The following ADARB2 variants were observed in gnomAD, a reference collection of about 807,000 sequenced individuals.
The protein encoded by ADARB2 is adenosine deaminase RNA specific B2 (inactive).
ADARB2 carries 25 observed loss-of-function variants against 62.2 expected under a neutral mutation model. The ratio of observed to expected loss-of-function variants is 0.40; its 90% CI spans 0.29 to 0.56. The LOEUF (loss-of-function observed/expected upper bound fraction) is 0.56, where lower values mean the gene tolerates loss of function less well. ADARB2 is among the 20% of genes least tolerant of loss of function. The pLI is 0.43. For synonymous variants in ADARB2, 572 were observed against 500.8 expected, an observed-to-expected ratio of 1.14 and a Z score of -1.90; for missense variants, 1,071 against 1,077.4, an observed-to-expected ratio of 0.99 and a Z score of 0.08.
At chr10:1,323,977 C>G (rs1475053399) in intron 3 of ADARB2, among the ~76,000 whole-genome samples, 3 of 152,138 alleles carry the variant, frequency 2.0e-5, no homozygotes, top group African/African-American at 7.2e-5. Flanking sequence ...CCATAAACTG[C>G]GAGGAAATAT....
At chr10:1,271,456 G>A (rs547527094) in intron 3 of ADARB2, among the ~76,000 whole-genome samples, 45 of 152,286 alleles carry the variant, frequency 3.0e-4, no homozygotes, top group African/African-American at 1.0e-3. Flanking sequence ...GAGTATTCCA[G>A]AGCCAGTGTC....
chr10:1,364,470 G>C (rs771258235), intron 2 of ADARB2, among the ~76,000 whole-genome samples: 15 of 152,240 alleles, frequency 9.9e-5, no homozygotes, highest in Admixed American at 4.6e-4. Flanking sequence ...GCCTTGGGGT[G>C]AGTCCCTGGC....
chr10:1,564,246 A>C (rs1305253251), intron 1 of ADARB2, among the ~76,000 whole-genome samples: 1 of 152,244 alleles, frequency 6.6e-6, no homozygotes, highest in Non-Finnish European at 1.5e-5. Flanking sequence ...CAGTCCCACC[A>C]ACAGTGTAAA....
Position 1,665,153 on chromosome 10 carries a change from A to T in ADARB2, c.100+71898T>A, listed in dbSNP as rs116577536. Among the ~76,000 whole-genome samples the T allele has an allele frequency of 5.9e-3, 894 of 152,336 alleles. 9 individuals are homozygous for T. The highest frequency in any genetic ancestry group is 0.02 in the African/African-American group (849 of 41,572). On this transcript the variant is annotated intron_variant, in intron 1 of 9. Transcript: ENST00000381312. Reference sequence around the variant, plus strand: ...TGGAATCATAATTAAAGGAAAAAAAAGCTTAGGTCACTGCTAACTTCCAAC... The same window carrying T: ...TGGAATCATAATTAAAGGAAAAAAATGCTTAGGTCACTGCTAACTTCCAAC...
At chr10:1,514,379 T>A (rs1004332023) in intron 1 of ADARB2, among the ~76,000 whole-genome samples, 6 of 151,762 alleles carry the variant, frequency 4.0e-5, no homozygotes, top group Non-Finnish European at 5.9e-5. Context: ...AGTTCTCCAC[T>A]GCTTCTCAAT....
rs376165135 is a variant in ADARB2, at chr10:1,200,038, C to G, written c.1792G>C (p.Val598Leu). The change falls in exon 8 of 10, where the codon GTC (valine) becomes CTC (leucine). Residue 598 changes from valine to leucine, a missense_variant. By Grantham distance (32) the Val-to-Leu change is conservative. Coordinates refer to ENST00000381312, the MANE Select transcript of ADARB2 (RefSeq NM_018702.4). ...ACACCCTCCATGCGGTGGCTCATGA[C>G]GCGTGCGAGGTGGCCCGTGTGGTGC... ...SLHHTGHLAR[V>L]MSHRMEGVGQ... The G allele has an allele frequency of 1.3e-6, 2 of 1,595,592 alleles. No individual in the cohort carries two copies. The highest frequency in any genetic ancestry group is 2.3e-5 in the East Asian group (1 of 44,388).
At chr10:1,505,385 T>G (rs1195153282) in intron 1 of ADARB2, among the ~76,000 whole-genome samples, 2 of 151,548 alleles carry the variant, frequency 1.3e-5, no homozygotes, top group Non-Finnish European at 2.9e-5. Context: ...GGTTTTTGTT[T>G]TTTTTTTTTT....
chr10:1,329,985 G>A (rs76558631), intron 3 of ADARB2, among the ~76,000 whole-genome samples: 23 of 128,638 alleles, frequency 1.8e-4, no homozygotes, highest in Non-Finnish European at 3.0e-4. Flanking sequence ...GGACGGGAAT[G>A]TTTTCCAGGG....
intron 1 of ADARB2, among the ~76,000 whole-genome samples, chr10:1,390,577 A>G (rs1470379584): frequency 6.6e-6 from 1 of 152,262 alleles, no homozygotes; most frequent in Admixed American, 6.5e-5. Context: ...GATAGATATT[A>G]AATGAAGATC....
intron 1 of ADARB2, among the ~76,000 whole-genome samples, chr10:1,595,131 C>T (rs996709175): frequency 6.6e-6 from 1 of 152,204 alleles, no homozygotes; most frequent in Non-Finnish European, 1.5e-5. Flanking sequence ...GGGAACGGTG[C>T]ACTTATAACA....
rs185758277 is a variant in ADARB2, at chr10:1,607,636, C to T, written c.100+129415G>A. Among the ~76,000 whole-genome samples the T allele has an allele frequency of 1.5e-4, 23 of 152,262 alleles. No homozygotes were observed. The East Asian group carries it at 1.7e-3, about 12-fold the overall frequency. ...TGCCATTCACTCCTCCAGTAAAGTA[C>T]GAGAGCTCGTTGATGCTGACACGAT... On this transcript the variant is annotated intron_variant, in intron 1 of 9. Transcript: ENST00000381312.
intron 1 of ADARB2, among the ~76,000 whole-genome samples, chr10:1,614,438 A>C (rs1833605847): frequency 6.6e-6 from 1 of 152,234 alleles, no homozygotes; most frequent in Admixed American, 6.5e-5. Context: ...TAAATTAAGG[A>C]TCAATTTCTG....
chr10:1,204,798 C>T (rs1044785391), intron 7 of ADARB2, among the ~76,000 whole-genome samples: 5 of 152,210 alleles, frequency 3.3e-5, no homozygotes, highest in East Asian at 1.9e-4. Flanking sequence ...TTGCTGAGCA[C>T]GGGTCTGGTG....
intron 1 of ADARB2, among the ~76,000 whole-genome samples, chr10:1,623,575 C>T (rs1833732811): frequency 6.6e-6 from 1 of 152,234 alleles, no homozygotes; most frequent in African/African-American, 2.4e-5. Flanking sequence ...GCCGCCTTCC[C>T]AGGCATGGTC....
chr10:1,504,938 A>T (rs542161248), intron 1 of ADARB2, among the ~76,000 whole-genome samples: 25 of 152,202 alleles, frequency 1.6e-4, no homozygotes, highest in African/African-American at 6.0e-4. Context: ...ACACACACGT[A>T]CATATACACA....
chr10:1,428,028 AATCTTG>A (rs1830722834), intron 1 of ADARB2, among the ~76,000 whole-genome samples: 1 of 147,266 alleles, frequency 6.8e-6, no homozygotes. Context: ...GCAGTGATGC[AATCTTG>A]ATCTCGGCTC....
At chr10:1,659,776 C>G (rs915222525) in intron 1 of ADARB2, among the ~76,000 whole-genome samples, 2 of 151,862 alleles carry the variant, frequency 1.3e-5, no homozygotes, top group Non-Finnish European at 2.9e-5. Flanking sequence ...CTGTGAGACT[C>G]CGGGGCAGGG....
Position 1,732,314 on chromosome 10 carries a change from CA to C in ADARB2, c.100+4736del, listed in dbSNP as rs4002272. Among the ~76,000 whole-genome samples, 818 of 105,594 alleles carry C rather than the reference CA, an allele frequency of 7.7e-3. 10 individuals carry two copies. The highest frequency in any genetic ancestry group is 0.017 in the African/African-American group (497 of 29,100). 69.3% of individuals were successfully genotyped at this position (105,594 alleles called of 152,430 possible). The stretch of plus-strand genomic sequence containing the variant: ...GGGCATAAGTTATCTTTTCATGCCT[CA>C]AAAAAAAAAAAAAAATTTCCTTTTC... On this transcript the variant is annotated intron_variant, in intron 1 of 9. Transcript: ENST00000381312.
At chr10:1,678,260 C>T (rs969660051) in intron 1 of ADARB2, 1 of 985,056 alleles carries the variant, frequency 1.0e-6, no homozygotes, top group African/African-American at 1.7e-5. Flanking sequence ...TGAGCATCCT[C>T]AGGGTGAGGG....
Sources: gnomAD v4.1 joint callset for allele counts (sites outside exome capture counted in the v4.1 genomes callset) on GRCh38, gnomAD v4.1.1 for gene constraint, MANE v1.5 for transcripts, NCBI Gene and HGNC (gene_info 2026-07-23, HGNC 2026-07-21) for gene names.